ANKHD1: variants seen among roughly 807,000 people sequenced by gnomAD.
The protein encoded by ANKHD1 is ankyrin repeat and KH domain containing 1.
ANKHD1 carries 31 observed loss-of-function variants against 230.5 expected under a neutral mutation model. The ratio of observed to expected loss-of-function variants is 0.13; its 90% CI spans 0.10 to 0.18. The LOEUF (loss-of-function observed/expected upper bound fraction) is 0.18. ANKHD1 is among the 10% of genes least tolerant of loss of function. ANKHD1 has a pLI of 1.00. For synonymous variants in ANKHD1, 1,074 were observed against 1,117.6 expected, an observed-to-expected ratio of 0.96 and a Z score of 0.78; for missense variants, 2,256 against 3,071.3, an observed-to-expected ratio of 0.73 and a Z score of 6.27.
intron 14 of ANKHD1, among the ~76,000 whole-genome samples, chr5:140,487,977 A>G (rs1751582801): frequency 6.6e-6 from 1 of 152,190 alleles, no homozygotes; most frequent in South Asian, 2.1e-4. Flanking sequence ...AATTTAAAGT[A>G]TTGGGGGCCT....
chr5:140,518,058 GA>G (rs971932155), intron 24 of ANKHD1, among the ~76,000 whole-genome samples: 1 of 151,748 alleles, frequency 6.6e-6, no homozygotes, highest in African/African-American at 2.4e-5. Flanking sequence ...GACTAATAAA[GA>G]AAAAAAGAAG....
chr5:140,420,167 G>A (rs573985700), intron 1 of ANKHD1, among the ~76,000 whole-genome samples: 19 of 150,588 alleles, frequency 1.3e-4, no homozygotes, highest in Non-Finnish European at 2.5e-4. Context: ...TAATTTTACT[G>A]TTTGTACAGA....
At chr5:140,409,151 T>C (rs1040992169) in intron 1 of ANKHD1, among the ~76,000 whole-genome samples, 1 of 152,176 alleles carries the variant, frequency 6.6e-6, no homozygotes, top group Admixed American at 6.5e-5. Flanking sequence ...TTTGTTATAC[T>C]CTGTATTCAA....
intron 24 of ANKHD1, among the ~76,000 whole-genome samples, chr5:140,519,908 A>G (rs2127075093): frequency 6.6e-6 from 1 of 152,210 alleles, no homozygotes; most frequent in Admixed American, 6.5e-5. Flanking sequence ...CAATGGCAAC[A>G]AAAGCCAAAA....
intron 1 of ANKHD1, among the ~76,000 whole-genome samples, chr5:140,408,530 G>A (rs1581199094): frequency 6.6e-6 from 1 of 152,100 alleles, no homozygotes; most frequent in East Asian, 1.9e-4. Context: ...TATAGCACAA[G>A]CTTTGTAGGG....
intron 24 of ANKHD1, 125 bp from the exon 25 acceptor site, chr5:140,523,941 G>T: frequency 8.1e-7 from 1 of 1,230,776 alleles, no homozygotes; most frequent in Non-Finnish European, 1.1e-6. Context: ...TTTCTTGTTG[G>T]CATTTATAAA....
chr5:140,528,163 C>CTTTT, intron 28 of ANKHD1, 21 bp from the exon 29 acceptor site: 2 of 1,417,872 alleles, frequency 1.4e-6, no homozygotes, highest in South Asian at 3.2e-5. Flanking sequence ...GGTCTTGTTT[C>CTTTT]TGTTTTTTTT....
intron 1 of ANKHD1, among the ~76,000 whole-genome samples, chr5:140,428,417 C>T (rs1274168466): frequency 2.6e-5 from 4 of 152,252 alleles, no homozygotes; most frequent in African/African-American, 9.6e-5. Flanking sequence ...GCGGATCACT[C>T]GCGGTTAGGA....
intron 14 of ANKHD1, among the ~76,000 whole-genome samples, chr5:140,488,809 A>C (rs573581836): frequency 2.6e-5 from 4 of 152,214 alleles, no homozygotes; most frequent in South Asian, 2.1e-4. Flanking sequence ...CTGAGGCATG[A>C]GAATCACTTG....
chr5:140,464,551 A>G, intron 9 of ANKHD1, 116 bp from the exon 10 acceptor site: 1 of 884,638 alleles, frequency 1.1e-6, no homozygotes, highest in African/African-American at 1.7e-5. Context: ...GTATACTTAA[A>G]ATGCATTTTG....
At chr5:140,436,320 A>G in intron 2 of ANKHD1, 63 bp downstream of exon 2, 1 of 1,341,874 alleles carries the variant, frequency 7.5e-7, no homozygotes, top group Non-Finnish European at 9.6e-7. Context: ...TTACAGTTAC[A>G]TGAGATTATC....
chr5:140,487,159 G>C, intron 14 of ANKHD1, 99 bp downstream of exon 14: 1 of 1,199,198 alleles, frequency 8.3e-7, no homozygotes, highest in Non-Finnish European at 1.1e-6. Flanking sequence ...GTGTACCCAT[G>C]GCTAATTGAG....
At chr5:140,449,111 A>G (rs1274273182) in intron 6 of ANKHD1, 100 bp from the exon 7 acceptor site, 3 of 1,243,690 alleles carry the variant, frequency 2.4e-6, no homozygotes, top group Non-Finnish European at 2.2e-6. Flanking sequence ...TAAGTTATCA[A>G]ATTCTTGTAT....
chr5:140,522,977 G>A (rs1226807077), intron 24 of ANKHD1, among the ~76,000 whole-genome samples: 1 of 151,372 alleles, frequency 6.6e-6, no homozygotes, highest in African/African-American at 2.4e-5. Flanking sequence ...TTTCTTTGGA[G>A]AAATGTCTAT....
At chr5:140,497,786 A>G (rs1055910564) in intron 15 of ANKHD1, among the ~76,000 whole-genome samples, 1 of 152,080 alleles carries the variant, frequency 6.6e-6, no homozygotes, top group African/African-American at 2.4e-5. Context: ...TGGTTAGAAG[A>G]TAAGGTGCAT....
At chr5:140,472,560 CT>C in intron 10 of ANKHD1, 2 of 770,562 alleles carry the variant, frequency 2.6e-6, no homozygotes, top group Non-Finnish European at 3.5e-6. Context: ...TCAGGTAGTT[CT>C]TTTACATTCT....
chr5:140,418,881 C>T (rs1318013788), intron 1 of ANKHD1, among the ~76,000 whole-genome samples: 1 of 152,098 alleles, frequency 6.6e-6, no homozygotes, highest in East Asian at 1.9e-4. Flanking sequence ...CAGGCATGTG[C>T]CAACACTCCT....
chr5:140,461,481 G>A (rs539027944), intron 9 of ANKHD1, among the ~76,000 whole-genome samples: 28 of 152,030 alleles, frequency 1.8e-4, no homozygotes, highest in Non-Finnish European at 3.5e-4. Context: ...CTCAAATAAG[G>A]CCTATACAAT....
At chr5:140,497,865 AACCAC>A (rs1230338499) in intron 15 of ANKHD1, among the ~76,000 whole-genome samples, 10 of 141,408 alleles carry the variant, frequency 7.1e-5, no homozygotes, top group East Asian at 6.2e-4. Flanking sequence ...GAAAGCACAC[AACCAC>A]ACCACACCAC....
Sources: allele counts gnomAD v4.1 joint callset (sites outside exome capture counted in the v4.1 genomes callset), GRCh38; gene constraint gnomAD v4.1.1; transcripts MANE v1.5; gene names NCBI Gene and HGNC (gene_info 2026-07-23, HGNC 2026-07-21).